Variants in ZNF644 observed in about 807,000 individuals in gnomAD.
The protein encoded by ZNF644 is zinc finger motif enhancer binding protein 2.
A neutral mutation model predicts 108.0 loss-of-function variants in ZNF644; 20 were observed. That is an observed-to-expected ratio of 0.19 (90% confidence interval 0.13 to 0.27). The LOEUF (loss-of-function observed/expected upper bound fraction) is 0.27, where lower values mean the gene tolerates loss of function less well. Ranked by LOEUF, ZNF644 falls within the 10% of genes least tolerant of loss-of-function variation. ZNF644 has a pLI of 1.00. For missense variants in ZNF644, 1,338 were observed against 1,548.9 expected, an observed-to-expected ratio of 0.86 and a Z score of 2.29; for synonymous variants, 542 against 539.1, an observed-to-expected ratio of 1.01 and a Z score of -0.08.
intron 4 of ZNF644, among the ~76,000 whole-genome samples, chr1:90,927,804 C>T (rs1393282404): frequency 6.6e-6 from 1 of 151,838 alleles, no homozygotes. Context: ...TCTCTCTCTG[C>T]CCTCCCTCTC....
At chr1:91,019,008 A>G (rs982504890) in intron 1 of ZNF644, among the ~76,000 whole-genome samples, 5 of 152,266 alleles carry the variant, frequency 3.3e-5, no homozygotes, top group Admixed American at 3.3e-4. Context: ...GTTGAAAATT[A>G]TAAAACAGCT....
At position 91,007,220 on chromosome 1, in the gene ZNF644, A is replaced by ATTTTTTTT. The variant is rs1557658483; in HGVS notation, c.-18+14769_-18+14770insAAAAAAAA. The stretch of plus-strand genomic sequence containing the variant: ...TTCTTAATTTCTTCCATTTTCTCCC[A>ATTTTTTTT]TTTTGTTTTTTTTTTTTTTTTTTTT... On this transcript the variant is annotated intron_variant, in intron 1 of 5. Coordinates refer to ENST00000337393, the MANE Select transcript of ZNF644 (RefSeq NM_201269.3). Among the ~76,000 whole-genome samples the ATTTTTTTT allele has an allele frequency of 5.6e-4, 17 of 30,314 alleles. 1 individual carries two copies. The highest frequency in any genetic ancestry group is 9.8e-4 in the Non-Finnish European group (15 of 15,276). 19.9% of individuals were successfully genotyped at this position (30,314 alleles called of 152,430 possible). A position where few individuals can be genotyped will look rare whatever the true frequency, so the allele number is the denominator to read the frequency against.
At chr1:90,955,433 A>G (rs1653657780) in intron 2 of ZNF644, among the ~76,000 whole-genome samples, 1 of 152,180 alleles carries the variant, frequency 6.6e-6, no homozygotes, top group Admixed American at 6.5e-5. Flanking sequence ...TTCTTCTTGT[A>G]GAAAGCTGTT....
chr1:91,011,344 G>A (rs1659944889), intron 1 of ZNF644, among the ~76,000 whole-genome samples: 1 of 152,046 alleles, frequency 6.6e-6, no homozygotes, highest in African/African-American at 2.4e-5. Context: ...AAATGTTAAT[G>A]AGAAAGTCTT....
In ZNF644 at chr1:90,971,023, A is replaced by G. The variant is rs539814255; in HGVS notation, c.44+11287T>C. Reference sequence around the variant, plus strand: ...CAAAAAAAAAAAAAAAAAAAACACTATCACTTACATTCCACTGAACTATAA... The same window carrying G: ...CAAAAAAAAAAAAAAAAAAAACACTGTCACTTACATTCCACTGAACTATAA... On this transcript the variant is annotated intron_variant, in intron 2 of 5. Coordinates refer to ENST00000337393, the MANE Select transcript of ZNF644 (RefSeq NM_201269.3). 2.7e-5 allele frequency among the ~76,000 whole-genome samples: 4 copies of G among 149,850 alleles called. No homozygotes were observed. In the East Asian group the frequency reaches 5.9e-4, roughly 22 times the overall value.
rs935410770 is a variant in ZNF644 at position 90,915,764 on chromosome 1, A to G, written c.*1034T>C. Reference sequence around the variant, plus strand: ...ACAAGTTCTAAAATTTAAATTGTAAACATTCTCATATGTAGAAATATTTTA... The same window carrying G: ...ACAAGTTCTAAAATTTAAATTGTAAGCATTCTCATATGTAGAAATATTTTA... On this transcript the variant is annotated 3_prime_UTR_variant, in exon 6 of 6. Transcript: ENST00000337393. 2.0e-5 allele frequency: 3 copies of G among 152,602 alleles called. No homozygotes were observed. Among genetic ancestry groups the G allele is most frequent in the Non-Finnish European group, 4.4e-5 (3 of 67,994 alleles). 9.5% of individuals were successfully genotyped at this position (152,602 alleles called of 1,614,324 possible).
At chr1:90,950,107 G>A (rs1207811225) in intron 2 of ZNF644, among the ~76,000 whole-genome samples, 1 of 151,056 alleles carries the variant, frequency 6.6e-6, no homozygotes, top group African/African-American at 2.4e-5. Flanking sequence ...GTGAAACCCC[G>A]TCTCTACTAA....
chr1:91,014,962 G>T (rs969522805), intron 1 of ZNF644, among the ~76,000 whole-genome samples: 1 of 152,052 alleles, frequency 6.6e-6, no homozygotes, highest in South Asian at 2.1e-4. Flanking sequence ...TGTAAAGTGG[G>T]AATATATACA....
chr1:90,995,595 T>C (rs1658073366), intron 1 of ZNF644, among the ~76,000 whole-genome samples: 1 of 152,064 alleles, frequency 6.6e-6, no homozygotes, highest in South Asian at 2.1e-4. Context: ...TATATCATAG[T>C]CAAGCTGGTG....
At chr1:90,963,148 A>C (rs1654503532) in intron 2 of ZNF644, among the ~76,000 whole-genome samples, 1 of 152,174 alleles carries the variant, frequency 6.6e-6, no homozygotes, top group Admixed American at 6.5e-5. Flanking sequence ...TGTATAAACC[A>C]TATAGTTCCT....
rs891415973 is a variant in ZNF644 at position 90,959,671 on chromosome 1, T to C, written c.45-18362A>G. The stretch of plus-strand genomic sequence containing the variant: ...ATGAAATATCCAGAACAGGCAAATA[T>C]ATAGAGACAGAAAGTAAAGGTTACT... On this transcript the variant is annotated intron_variant, in intron 2 of 5. Coordinates refer to ENST00000337393, the MANE Select transcript of ZNF644 (RefSeq NM_201269.3). Among the ~76,000 whole-genome samples, 9 of 152,236 alleles carry C rather than the reference T, an allele frequency of 5.9e-5. No homozygotes were observed. The East Asian group carries it at 7.7e-4, about 13-fold the overall frequency.
At chr1:90,927,375 A>ATGG (rs1367717013) in intron 4 of ZNF644, among the ~76,000 whole-genome samples, 1 of 152,190 alleles carries the variant, frequency 6.6e-6, no homozygotes, top group East Asian at 1.9e-4. Flanking sequence ...ATTTTTTTGT[A>ATGG]TGGTGGAGAA....
intron 1 of ZNF644, among the ~76,000 whole-genome samples, chr1:90,997,393 T>C (rs1330310312): frequency 6.6e-6 from 1 of 152,088 alleles, no homozygotes; most frequent in African/African-American, 2.4e-5. Context: ...AGCAGAGATT[T>C]CAGTGCCCAT....
intron 4 of ZNF644, among the ~76,000 whole-genome samples, chr1:90,931,951 T>C (rs560839501): frequency 3.9e-5 from 6 of 152,282 alleles, no homozygotes; most frequent in African/African-American, 7.2e-5. Flanking sequence ...GCAAAGTCTA[T>C]ACACACAAAA....
In ZNF644 at chr1:90,922,040, C is replaced by T. The variant is rs183521576; in HGVS notation, c.3689-3886G>A. ...TTGACTTTGACATTAAAATCTTTTG[C>T]TCTTTCCACCTTTCTGCCCATTTTA... On this transcript the variant is annotated intron_variant, in intron 4 of 5. Transcript: ENST00000337393. Among the ~76,000 whole-genome samples the T allele has an allele frequency of 1.3e-3, 200 of 152,262 alleles. 4 individuals are homozygous for T. The Middle Eastern group carries it at 0.037, about 28-fold the overall frequency.
intron 1 of ZNF644, among the ~76,000 whole-genome samples, chr1:91,010,574 A>T (rs1210775636): frequency 3.3e-5 from 5 of 151,926 alleles, no homozygotes; most frequent in Non-Finnish European, 5.9e-5. Context: ...CCTTTCCACC[A>T]ACCTATACAC....
intron 1 of ZNF644, among the ~76,000 whole-genome samples, chr1:91,011,382 T>A (rs894984758): frequency 1.3e-5 from 2 of 152,190 alleles, no homozygotes; most frequent in Non-Finnish European, 2.9e-5. Flanking sequence ...GCAATTTACA[T>A]ATTCATTCTT....
chr1:90,972,924 T>C (rs1392782072), intron 2 of ZNF644: 2 of 151,926 alleles, frequency 1.3e-5, no homozygotes, highest in Non-Finnish European at 2.9e-5. Flanking sequence ...GAGAGAAAAA[T>C]GGTGATTTCC....
intron 1 of ZNF644, among the ~76,000 whole-genome samples, chr1:91,000,406 A>C (rs1570550558): frequency 1.3e-5 from 2 of 152,208 alleles, no homozygotes; most frequent in Admixed American, 6.5e-5. Context: ...GCTCAACTAC[A>C]TGGAAACTGA....
Sources: allele counts gnomAD v4.1 joint callset (sites outside exome capture counted in the v4.1 genomes callset), GRCh38; gene constraint gnomAD v4.1.1; transcripts MANE v1.5; gene names NCBI Gene and HGNC (gene_info 2026-07-23, HGNC 2026-07-21).